The following MAF variants were observed in gnomAD, a reference collection of about 807,000 sequenced individuals.
MAF encodes transcription factor Maf.
A neutral mutation model predicts 22.0 loss-of-function variants in MAF; 10 were observed. That is an observed-to-expected ratio of 0.45 (90% CI 0.28 to 0.77). MAF has a LOEUF of 0.77. Ranked by LOEUF, MAF falls within the 30% of genes least tolerant of loss-of-function variation. The pLI is 0.12. For missense variants in MAF, 544 were observed against 548.4 expected (o/e 0.99, Z 0.08); for synonymous variants, 337 against 255.8 (o/e 1.32, Z -3.03).
At chr16:79,357,083 C>T in the MAF span, among the ~76,000 whole-genome samples, 3 of 152,186 alleles carry the variant, frequency 2.0e-5, no homozygotes, top group African/African-American at 7.2e-5. Flanking sequence ...ATGGTGAAAC[C>T]CCATCTCTAC....
the MAF span, among the ~76,000 whole-genome samples, chr16:79,538,085 A>C: frequency 6.6e-6 from 1 of 152,246 alleles, no homozygotes; most frequent in Non-Finnish European, 1.5e-5. Context: ...AAAGAAAATT[A>C]AAAGGCATTA....
the MAF span, among the ~76,000 whole-genome samples, chr16:79,246,085 A>G: frequency 3.9e-5 from 6 of 152,282 alleles, no homozygotes; most frequent in East Asian, 1.9e-4. Context: ...GAGGGATAGC[A>G]TTAGGAGAAA....
the MAF span, among the ~76,000 whole-genome samples, chr16:79,519,710 G>A: frequency 1.3e-5 from 2 of 152,228 alleles, no homozygotes; most frequent in Non-Finnish European, 2.9e-5. Flanking sequence ...GGTTTTCACT[G>A]CTGTAATTGT....
the MAF span, among the ~76,000 whole-genome samples, chr16:79,365,503 G>A: frequency 7.9e-5 from 12 of 152,272 alleles, no homozygotes; most frequent in South Asian, 2.5e-3. Context: ...ATTGGTGGAT[G>A]ATCTCTTCAT....
the MAF span, among the ~76,000 whole-genome samples, chr16:79,271,644 T>C: frequency 6.6e-6 from 1 of 152,244 alleles, no homozygotes; most frequent in Admixed American, 6.5e-5. Context: ...ATAAAGACTG[T>C]TGATATTGAT....
At chr16:79,571,048 G>A in the MAF span, among the ~76,000 whole-genome samples, 3 of 151,506 alleles carry the variant, frequency 2.0e-5, no homozygotes, top group African/African-American at 7.3e-5. Flanking sequence ...CACAAAGCTA[G>A]AAAGGTCTGG....
chr16:79,516,620 C>T, the MAF span, among the ~76,000 whole-genome samples: 1 of 152,202 alleles, frequency 6.6e-6, no homozygotes, highest in South Asian at 2.1e-4. Flanking sequence ...TAATCCCTTC[C>T]TGTGGATTAA....
At chr16:79,410,078 C>G in the MAF span, among the ~76,000 whole-genome samples, 1 of 152,196 alleles carries the variant, frequency 6.6e-6, no homozygotes, top group Non-Finnish European at 1.5e-5. Context: ...AGAGTCTTGG[C>G]GAATCCCAGT....
the MAF span, among the ~76,000 whole-genome samples, chr16:79,310,938 C>A: frequency 3.3e-5 from 5 of 152,146 alleles, no homozygotes; most frequent in African/African-American, 1.2e-4. Flanking sequence ...GAGGGCTGTG[C>A]TGCTTCAGCT....
At chr16:79,230,081 A>G in the MAF span, among the ~76,000 whole-genome samples, 3 of 152,094 alleles carry the variant, frequency 2.0e-5, no homozygotes, top group Non-Finnish European at 2.9e-5. Context: ...GTATTTAATC[A>G]CTGATCTTGT....
intron 1 of MAF, chr16:79,596,860 T>A: frequency 9.5e-7 from 1 of 1,050,452 alleles, no homozygotes; most frequent in Non-Finnish European, 1.1e-6. Context: ...TGCATAAATT[T>A]TATTAGCGTT....
the MAF span, among the ~76,000 whole-genome samples, chr16:79,427,491 T>C: frequency 6.6e-6 from 1 of 152,216 alleles, no homozygotes; most frequent in African/African-American, 2.4e-5. Flanking sequence ...TTTGGAGTAG[T>C]GATGTTGGCT....
the MAF span, among the ~76,000 whole-genome samples, chr16:79,446,125 G>A: frequency 2.0e-5 from 3 of 152,150 alleles, no homozygotes; most frequent in Non-Finnish European, 2.9e-5. Context: ...AAGGAGGAAG[G>A]AAAGGAGCTG....
the MAF span, among the ~76,000 whole-genome samples, chr16:79,512,773 G>A: frequency 6.6e-6 from 1 of 152,222 alleles, no homozygotes; most frequent in African/African-American, 2.4e-5. Context: ...TGGGTTTGCT[G>A]GTATTGATTT....
the MAF span, among the ~76,000 whole-genome samples, chr16:79,539,196 A>T: frequency 6.6e-6 from 1 of 152,238 alleles, no homozygotes; most frequent in Admixed American, 6.5e-5. Flanking sequence ...AAGCAATCTT[A>T]TTATATGCAT....
At chr16:79,312,861 C>G in the MAF span, among the ~76,000 whole-genome samples, 1 of 152,160 alleles carries the variant, frequency 6.6e-6, no homozygotes, top group African/African-American at 2.4e-5. Context: ...TTTACTTACT[C>G]TGCAACTGGG....
At chr16:79,438,037 C>T in the MAF span, among the ~76,000 whole-genome samples, 4 of 152,114 alleles carry the variant, frequency 2.6e-5, no homozygotes, top group Non-Finnish European at 5.9e-5. Context: ...GGCTGGAATG[C>T]CATCCCTTGG....
the MAF span, among the ~76,000 whole-genome samples, chr16:79,276,017 T>C: frequency 6.6e-6 from 1 of 152,038 alleles, no homozygotes; most frequent in Non-Finnish European, 1.5e-5. Flanking sequence ...GGCAGGCACC[T>C]GGAATCCCAC....
At chr16:79,579,190 C>A in the MAF span, among the ~76,000 whole-genome samples, 4 of 152,138 alleles carry the variant, frequency 2.6e-5, no homozygotes, top group African/African-American at 9.7e-5. Flanking sequence ...AAAAATAATA[C>A]TCCTTCATGA....
Sources: gnomAD v4.1 joint callset for allele counts (sites outside exome capture counted in the v4.1 genomes callset) on GRCh38, gnomAD v4.1.1 for gene constraint, MANE v1.5 for transcripts, NCBI Gene and HGNC (gene_info 2026-07-23, HGNC 2026-07-21) for gene names.